PTK2B: variants seen among roughly 807,000 people sequenced by gnomAD.
PTK2B encodes protein tyrosine kinase 2 beta, also known as protein-tyrosine kinase 2-beta.
PTK2B carries 71 observed loss-of-function variants against 142.9 expected under a neutral mutation model. The ratio of observed to expected loss-of-function variants is 0.50; its 90% confidence interval spans 0.41 to 0.61. The LOEUF (loss-of-function observed/expected upper bound fraction) is 0.61. PTK2B is among the 20% of genes least tolerant of loss of function. The pLI is 0.00. For missense variants in PTK2B, 1,105 were observed against 1,320.4 expected (o/e 0.84, Z 2.53); for synonymous variants, 519 against 503.4 (o/e 1.03, Z -0.42).
intron 2 of PTK2B, among the ~76,000 whole-genome samples, chr8:27,312,948 C>T (rs889275701): frequency 2.0e-5 from 3 of 152,216 alleles, no homozygotes; most frequent in Admixed American, 2.0e-4. Flanking sequence ...GCAGCAACCT[C>T]AATTCTTGCC....
Position 27,430,810 on chromosome 8 carries a change from C to A in PTK2B, c.670-66C>A, listed in dbSNP as rs1321721934. ...AGCAGTGGGCAGTCTCTCAGCGAGA[C>A]CCTAAGGGAAGGAGTGAGACCTGGG... On this transcript the variant is annotated intron_variant, in intron 7 of 30. Transcript: ENST00000346049. The A allele has an allele frequency of 2.5e-6, 4 of 1,575,262 alleles. No homozygotes were observed. In the East Asian group the frequency reaches 9.0e-5, roughly 35 times the overall value.
At chr8:27,432,621 A>G (rs1024947480) in intron 10 of PTK2B, among the ~76,000 whole-genome samples, 8 of 152,170 alleles carry the variant, frequency 5.3e-5, no homozygotes, top group Admixed American at 2.6e-4. Flanking sequence ...GGAATGTTCA[A>G]GGTGACCAGA....
At position 27,458,565 on chromosome 8, in the gene PTK2B, C is replaced by A; in HGVS notation, c.*56C>A. On this transcript the variant is annotated 3_prime_UTR_variant, in exon 31 of 31. Coordinates refer to ENST00000346049, the MANE Select transcript of PTK2B (RefSeq NM_173176.3). ...CCGCCCCTGCCTGCCATGTACCTCC[C>A]CTGCCTTGCTGTTGGTCATGTGGGT... is the stretch of plus-strand genomic sequence containing the variant. 6.6e-7 allele frequency: 1 copy of A among 1,517,474 alleles called. No individual in the cohort carries two copies. The highest frequency in any genetic ancestry group is 1.2e-5 in the South Asian group (1 of 82,562). 94.0% of individuals were successfully genotyped at this position (1,517,474 alleles called of 1,614,324 possible).
intron 1 of PTK2B, among the ~76,000 whole-genome samples, chr8:27,364,240 C>T (rs1436033807): frequency 6.6e-6 from 1 of 152,212 alleles, no homozygotes; most frequent in Admixed American, 6.5e-5. Context: ...CCATGCGATG[C>T]ACCTCAGGCA....
At chr8:27,381,880 GT>G (rs2131123980) in intron 1 of PTK2B, among the ~76,000 whole-genome samples, 1 of 152,232 alleles carries the variant, frequency 6.6e-6, no homozygotes, top group Non-Finnish European at 1.5e-5. Context: ...TCTCATTGTA[GT>G]TTTGATTCAT....
intron 2 of PTK2B, among the ~76,000 whole-genome samples, chr8:27,418,497 T>C (rs1358943250): frequency 6.6e-6 from 1 of 152,186 alleles, no homozygotes; most frequent in Non-Finnish European, 1.5e-5. Context: ...GTTAAGAAAA[T>C]GTAAAATCTA....
At chr8:27,360,340 G>A (rs919018761) in intron 1 of PTK2B, among the ~76,000 whole-genome samples, 11 of 152,234 alleles carry the variant, frequency 7.2e-5, no homozygotes, top group Non-Finnish European at 7.3e-5. Context: ...ATCCATGCGC[G>A]ATGCCGGCAA....
chr8:27,413,024 C>T (rs1182358132), intron 2 of PTK2B, among the ~76,000 whole-genome samples: 1 of 141,508 alleles, frequency 7.1e-6, no homozygotes, highest in Non-Finnish European at 1.6e-5. Flanking sequence ...TTATTTCATA[C>T]TTTTTAAAAA....
At chr8:27,327,675 A>C (rs1379736770) in intron 1 of PTK2B, among the ~76,000 whole-genome samples, 2 of 152,162 alleles carry the variant, frequency 1.3e-5, no homozygotes, top group Non-Finnish European at 2.9e-5. Flanking sequence ...CAAAAAATCA[A>C]TTCCTTGGTC....
In PTK2B at chr8:27,430,094, C is replaced by T. The variant is rs750561555; in HGVS notation, c.553C>T (p.Arg185Trp). ...CCTCTCCACCACCTATTTCTCCAGGCGGTTCTTCAAGGATATGCCCCACAA... is the reference window on the plus strand; with the variant it reads ...CCTCTCCACCACCTATTTCTCCAGGTGGTTCTTCAAGGATATGCCCCACAA... ...ALQLGCLELR[R>W]FFKDMPHNAL... The change falls in exon 6 of 31, where the codon CGG becomes TGG. Residue 185 changes from arginine to tryptophan, a missense_variant and splice_region_variant. Physicochemically the swap from Arg to Trp is moderately radical, Grantham distance 101 (BLOSUM62 -3). Coordinates refer to ENST00000346049, the MANE Select transcript of PTK2B (RefSeq NM_173176.3). The T allele has an allele frequency of 8.7e-6, 14 of 1,613,246 alleles. No homozygotes were observed. The highest frequency in any genetic ancestry group is 1.7e-5 in the Admixed American group (1 of 59,998).
intron 1 of PTK2B, among the ~76,000 whole-genome samples, chr8:27,355,415 G>A (rs1361287303): frequency 1.3e-5 from 2 of 152,186 alleles, no homozygotes; most frequent in South Asian, 2.1e-4. Flanking sequence ...GCCAAATAAT[G>A]TAGCCTCTAG....
Position 27,434,145 on chromosome 8 carries a change from G to C in PTK2B, c.1145+13G>C. ...AGATCCCCATGCTGTGAGTACAATGGGGTGCAGAGGACAGGGCCCTGAGCT... is the reference window on the plus strand; with the variant it reads ...AGATCCCCATGCTGTGAGTACAATGCGGTGCAGAGGACAGGGCCCTGAGCT... On this transcript the variant is annotated intron_variant, in intron 12 of 30. Transcript: ENST00000346049. 1 of 1,613,430 alleles carries C rather than the reference G, an allele frequency of 6.2e-7. No individual in the cohort carries two copies. The highest frequency in any genetic ancestry group is 8.5e-7 in the Non-Finnish European group (1 of 1,179,354).
At chr8:27,403,749 TTGC>T (rs150857122) in intron 2 of PTK2B, among the ~76,000 whole-genome samples, 63,743 of 151,550 alleles carry the variant, frequency 0.42, 13,736 homozygotes, top group Middle Eastern at 0.55. Flanking sequence ...TCTTTGGCTC[TTGC>T]TGCTGCTGCT....
At chr8:27,427,689 G>A (rs186556791) in intron 5 of PTK2B, among the ~76,000 whole-genome samples, 1 of 152,318 alleles carries the variant, frequency 6.6e-6, no homozygotes, top group African/African-American at 2.4e-5. Flanking sequence ...GGCTGAGCAG[G>A]TAACACTGGC....
chr8:27,424,382 T>C (rs926754699), intron 5 of PTK2B, among the ~76,000 whole-genome samples: 4 of 152,206 alleles, frequency 2.6e-5, no homozygotes, highest in Admixed American at 1.3e-4. Flanking sequence ...CTGTAGGTAG[T>C]CTTGTCAAGA....
At position 27,458,510 on chromosome 8, in the gene PTK2B, CGGA is replaced by C; in HGVS notation, c.*4_*6del. On this transcript the variant is annotated 3_prime_UTR_variant, in exon 31 of 31. Coordinates refer to ENST00000346049, the MANE Select transcript of PTK2B (RefSeq NM_173176.3). ...TCTGGCCCACCCACCTGCAGAGTGA[CGGA>C]GGGTGGGGGCCACCTGCCTGCGTCT... 1 of 1,562,078 alleles carries C rather than the reference CGGA, an allele frequency of 6.4e-7. No individual in the cohort carries two copies. The highest frequency in any genetic ancestry group is 1.2e-5 in the South Asian group (1 of 85,372).
At chr8:27,415,198 G>C (rs1321543865) in intron 2 of PTK2B, among the ~76,000 whole-genome samples, 12 of 152,092 alleles carry the variant, frequency 7.9e-5, no homozygotes, top group African/African-American at 2.7e-4. Flanking sequence ...CCATATTCTA[G>C]ATGAGAAAAC....
At chr8:27,393,327 G>A (rs1380990646) in intron 1 of PTK2B, among the ~76,000 whole-genome samples, 1 of 152,236 alleles carries the variant, frequency 6.6e-6, no homozygotes, top group Non-Finnish European at 1.5e-5. Flanking sequence ...AAGGGCTAAA[G>A]GGAGAACTGA....
At chr8:27,422,102 C>T (rs903006695) in intron 4 of PTK2B, among the ~76,000 whole-genome samples, 2 of 152,172 alleles carry the variant, frequency 1.3e-5, no homozygotes, top group Non-Finnish European at 1.5e-5. Flanking sequence ...AAAAGCACCT[C>T]GAAAACCTCA....
Sources: allele counts gnomAD v4.1 joint callset (sites outside exome capture counted in the v4.1 genomes callset), GRCh38; gene constraint gnomAD v4.1.1; transcripts MANE v1.5; gene names NCBI Gene and HGNC (gene_info 2026-07-23, HGNC 2026-07-21).